The following USP34 variants were observed in gnomAD, a reference collection of about 807,000 sequenced individuals.
The protein encoded by USP34 is ubiquitin specific peptidase 34, also known as ubiquitin carboxyl-terminal hydrolase 34.
Under a neutral mutation model 460.3 loss-of-function variants are expected in USP34, and 70 were observed. The observed-to-expected ratio is 0.15, with a 90% CI of 0.13 to 0.19. The LOEUF is 0.19. Among genes scored for constraint, USP34 ranks in the 10% least tolerant of loss-of-function variants. USP34 has a pLI of 1.00. For missense variants in USP34, 3,985 were observed against 4,236.2 expected, an observed-to-expected ratio of 0.94 and a Z score of 1.65; for synonymous variants, 1,647 against 1,405.3, an observed-to-expected ratio of 1.17 and a Z score of -3.85.
intron 2 of USP34, among the ~76,000 whole-genome samples, chr2:61,409,225 A>G (rs1693969124): frequency 6.6e-6 from 1 of 151,668 alleles, no homozygotes; most frequent in Non-Finnish European, 1.5e-5. Flanking sequence ...CTCAAAAAAC[A>G]TAAAAAACTT....
intron 42 of USP34, 56 bp from the exon 43 acceptor site, chr2:61,265,613 G>A: frequency 6.5e-7 from 1 of 1,531,236 alleles, no homozygotes; most frequent in Non-Finnish European, 8.8e-7. Flanking sequence ...GAAACACAAT[G>A]TATTTTGCTT....
chr2:61,465,985 AT>A (rs1244348112), intron 1 of USP34, among the ~76,000 whole-genome samples: 2 of 151,744 alleles, frequency 1.3e-5, no homozygotes, highest in African/African-American at 4.9e-5. Flanking sequence ...TCAAAAAAAA[AT>A]AAAATAAAAT....
intron 18 of USP34, among the ~76,000 whole-genome samples, chr2:61,336,809 CA>C (rs10593128): frequency 0.029 from 1,868 of 65,036 alleles, 17 homozygotes; most frequent in African/African-American, 0.06. Flanking sequence ...GACTCCATCT[CA>C]AAAAAAAAAA....
At position 61,280,322 on chromosome 2, in the gene USP34, T is replaced by C; in HGVS notation, c.5178A>G (p.Ile1726Met). ...AATACTCTTTACATCCTGGTTTTAA[T>C]ATTGGTTCTTCCTCATAATCATCTA... is the stretch of plus-strand genomic sequence containing the variant. ...IRIDDYEEEPILKPGCKEYFW... is the reference protein window; with the variant it reads ...IRIDDYEEEPMLKPGCKEYFW... Residue 1726 changes from isoleucine (I) to methionine (M), a missense_variant, in exon 39 of 80, where the codon ATA becomes ATG. Physicochemically the swap from Ile to Met is conservative, Grantham distance 10. Transcript: ENST00000398571. 3 of 1,548,698 alleles carry C rather than the reference T, an allele frequency of 1.9e-6. No individual in the cohort carries two copies. The South Asian group carries it at 3.9e-5, about 20-fold the overall frequency.
At chr2:61,329,912 C>G (rs1691209344) in intron 20 of USP34, among the ~76,000 whole-genome samples, 2 of 152,108 alleles carry the variant, frequency 1.3e-5, no homozygotes. Flanking sequence ...CATGGGCTTC[C>G]CAACAGTACC....
intron 1 of USP34, 125 bp downstream of exon 1, chr2:61,470,525 C>G (rs1695922959): frequency 2.3e-6 from 1 of 430,602 alleles, no homozygotes; most frequent in South Asian, 2.8e-5. Flanking sequence ...TCCCGGGGCG[C>G]TAGGCCCGCA....
chr2:61,230,034 G>A (rs1687844312), intron 58 of USP34, among the ~76,000 whole-genome samples: 1 of 149,846 alleles, frequency 6.7e-6, no homozygotes, highest in Non-Finnish European at 1.5e-5. Flanking sequence ...ATTCTTTAAA[G>A]ATACACAAGT....
chr2:61,308,908 G>A (rs979970467), intron 27 of USP34, among the ~76,000 whole-genome samples: 5 of 152,116 alleles, frequency 3.3e-5, no homozygotes, highest in African/African-American at 1.2e-4. Flanking sequence ...CAGGGATGGT[G>A]GCACCCACCT....
chr2:61,227,310 T>A (rs1009149938), intron 61 of USP34, 92 bp from the exon 62 acceptor site: 4 of 1,401,122 alleles, frequency 2.9e-6, no homozygotes, highest in Non-Finnish European at 3.9e-6. Context: ...GTGTAGATGG[T>A]GGCAGGAGCT....
Position 61,470,693 on chromosome 2 carries a change from C to T in USP34, c.-1G>A, listed in dbSNP as rs747448678. 6 of 1,591,450 alleles carry T rather than the reference C, an allele frequency of 3.8e-6. No individual in the cohort carries two copies. Among genetic ancestry groups the T allele is most frequent in the Admixed American group, 1.7e-5 (1 of 58,448 alleles). ...CCAGGTCTGCGCAGTTCTCGCACAT[C>T]GTTCGGCCGCCGCCCCCCCCCTCCC... is the stretch of plus-strand genomic sequence containing the variant. On this transcript the variant is annotated 5_prime_UTR_variant, in exon 1 of 80. Transcript: ENST00000398571.
intron 18 of USP34, among the ~76,000 whole-genome samples, chr2:61,337,932 A>G (rs1691473288): frequency 6.6e-6 from 1 of 152,250 alleles, no homozygotes; most frequent in Non-Finnish European, 1.5e-5. Context: ...GTTTTCACAA[A>G]GACTTTTAAA....
At chr2:61,375,160 T>G (rs1266278674) in intron 8 of USP34, among the ~76,000 whole-genome samples, 1 of 152,132 alleles carries the variant, frequency 6.6e-6, no homozygotes, top group Non-Finnish European at 1.5e-5. Flanking sequence ...CTCTACATCA[T>G]TAATAATTAG....
chr2:61,251,742 C>G (rs1688587842), intron 48 of USP34, among the ~76,000 whole-genome samples: 2 of 152,118 alleles, frequency 1.3e-5, no homozygotes, highest in Non-Finnish European at 2.9e-5. Context: ...TGAAAAAAAT[C>G]TTTGCCAAAT....
chr2:61,258,734 G>A (rs1688790262), intron 44 of USP34, among the ~76,000 whole-genome samples: 1 of 152,028 alleles, frequency 6.6e-6, no homozygotes, highest in Non-Finnish European at 1.5e-5. Context: ...TTTAAGCAGG[G>A]GAATAATATT....
intron 1 of USP34, among the ~76,000 whole-genome samples, chr2:61,450,140 G>T (rs1057319431): frequency 6.6e-6 from 1 of 151,754 alleles, no homozygotes; most frequent in African/African-American, 2.4e-5. Context: ...GCTACAACAT[G>T]GACAAAACTG....
In USP34 at chr2:61,197,596, ATACT is replaced by A. The variant is rs373223857; in HGVS notation, c.9509-4620_9509-4617del. ...CATCACCTGTACTATTGTTTACTTA[ATACT>A]TACTTTCTCTCTTTTGAGACAGGAT... On this transcript the variant is annotated intron_variant, in intron 75 of 79. Coordinates refer to ENST00000398571, the MANE Select transcript of USP34 (RefSeq NM_014709.4). Among the ~76,000 whole-genome samples the A allele has an allele frequency of 3.1e-3, 466 of 152,246 alleles. 2 individuals carry two copies. Among genetic ancestry groups the A allele is most frequent in the African/African-American group, 9.8e-3 (406 of 41,552 alleles).
chr2:61,333,937 G>C lies in USP34; in HGVS notation c.2779C>G (p.Leu927Val). ...CCAAACTGCTGAAAAGTACCAAATA[G>C]TTTTGGAAGAAGACGAAGTGAAATT... Reference protein sequence around the residue: ...VVISLRLLPKLFGTFQQFGSS... With the variant: ...VVISLRLLPKVFGTFQQFGSS... The change falls in exon 19 of 80, where the codon CTA becomes GTA. Residue 927 changes from leucine (L) to valine (V), a missense_variant. Physicochemically the swap from Leu to Val is conservative, Grantham distance 32. Transcript: ENST00000398571. The C allele has an allele frequency of 1.3e-6, 2 of 1,597,720 alleles. No individual in the cohort carries two copies. The highest frequency in any genetic ancestry group is 1.1e-5 in the South Asian group (1 of 87,408).
chr2:61,444,256 AT>A lies in USP34; in HGVS notation c.44-23424del, dbSNP rs1411439333. 2.0e-5 allele frequency among the ~76,000 whole-genome samples: 3 copies of A among 152,260 alleles called. No homozygotes were observed. In the East Asian group the frequency reaches 5.8e-4, roughly 29 times the overall value. On this transcript the variant is annotated intron_variant, in intron 1 of 79. Coordinates refer to ENST00000398571, the MANE Select transcript of USP34 (RefSeq NM_014709.4). ...AGCAAAACCCTGTCCCAAAAATAAA[AT>A]CTATTAAAAAGAAAAAACTCAAAAG...
chr2:61,348,711 GA>G, intron 14 of USP34, 44 bp downstream of exon 14: 1 of 1,586,238 alleles, frequency 6.3e-7, no homozygotes, highest in Non-Finnish European at 8.6e-7. Flanking sequence ...AAACACGCCA[GA>G]AAGCCAAAAA....
Sources: gnomAD v4.1 joint callset for allele counts (sites outside exome capture counted in the v4.1 genomes callset) on GRCh38, gnomAD v4.1.1 for gene constraint, MANE v1.5 for transcripts, NCBI Gene and HGNC (gene_info 2026-07-23, HGNC 2026-07-21) for gene names.